The following COL11A1 variants were observed in gnomAD, a reference collection of about 807,000 sequenced individuals.
COL11A1 encodes collagen type XI alpha 1 chain, also known as collagen alpha-1(XI) chain.
In COL11A1, 74 loss-of-function variants were observed where a neutral mutation model predicts 265.2. That is an observed-to-expected ratio of 0.28 (90% CI 0.23 to 0.34). The LOEUF is 0.34. COL11A1 is among the 10% of genes least tolerant of loss of function. The probability of loss-of-function intolerance (pLI) is 1.00; values close to 1 mark genes in which losing one functional copy is unlikely to be tolerated. For missense variants in COL11A1, 2,165 were observed against 2,263.6 expected, an observed-to-expected ratio of 0.96 and a Z score of 0.88; for synonymous variants, 816 against 727.6, an observed-to-expected ratio of 1.12 and a Z score of -1.96.
chr1:102,915,646 C>T lies in COL11A1; in HGVS notation c.3801G>A (p.Gly1267=), dbSNP rs1241148948. 1 of 1,613,182 alleles carries T rather than the reference C, an allele frequency of 6.2e-7. No homozygotes were observed. The highest frequency in any genetic ancestry group is 8.5e-7 in the Non-Finnish European group (1 of 1,179,322). Residue 1267 remains glycine (G), a synonymous_variant, in exon 50 of 67, where the codon GGG becomes GGA. Transcript: ENST00000370096. The part of the protein sequence containing the change: ...PGEAGNPGPP[G]EAGVGGPKGE... ...CAGTACTTACGCCTACACCTGCTTC[C>T]CCAGGAGGCCCTGGGTTCCCTGCTT... is the stretch of plus-strand genomic sequence containing the variant.
intron 55 of COL11A1, 76 bp from the exon 56 acceptor site, chr1:102,898,849 A>T: frequency 1.4e-6 from 2 of 1,415,038 alleles, no homozygotes; most frequent in South Asian, 2.4e-5. Flanking sequence ...GCACTGAAAA[A>T]AGTAGATCAG....
chr1:102,951,117 C>T (rs999066134), intron 41 of COL11A1, among the ~76,000 whole-genome samples: 1 of 152,148 alleles, frequency 6.6e-6, no homozygotes, highest in East Asian at 1.9e-4. Flanking sequence ...TATAGCAGCA[C>T]GAAAATGGAC....
At chr1:102,990,062 G>C (rs575132687) in intron 28 of COL11A1, among the ~76,000 whole-genome samples, 5 of 152,050 alleles carry the variant, frequency 3.3e-5, no homozygotes, top group African/African-American at 1.2e-4. Flanking sequence ...GTGCATGACT[G>C]TAATCTCAGC....
chr1:102,962,133 C>G, intron 40 of COL11A1, 43 bp downstream of exon 40: 1 of 1,484,040 alleles, frequency 6.7e-7, no homozygotes, highest in Non-Finnish European at 9.4e-7. Flanking sequence ...TTCTAATAAA[C>G]AATTGGAATC....
intron 4 of COL11A1, among the ~76,000 whole-genome samples, chr1:103,057,988 C>A (rs188686980): frequency 1.1e-4 from 17 of 152,230 alleles, no homozygotes; most frequent in Non-Finnish European, 1.8e-4. Flanking sequence ...AGCTTTAAAG[C>A]CAGGCATTGA....
At chr1:102,892,913 C>T (rs932525211) in intron 57 of COL11A1, among the ~76,000 whole-genome samples, 3 of 152,016 alleles carry the variant, frequency 2.0e-5, no homozygotes, top group African/African-American at 7.2e-5. Flanking sequence ...ATTACTAATC[C>T]TCAGAGTCAA....
rs527396002 is a variant in COL11A1 at position 103,004,544 on chromosome 1, A to G, written c.1900-56T>C. ...AACATTTGGACAATGTATCATTTCA[A>G]CATGATTTTGTTTTATTATGTTTTA... On this transcript the variant is annotated intron_variant, in intron 19 of 66. Coordinates refer to ENST00000370096, the MANE Select transcript of COL11A1 (RefSeq NM_001854.4). 2.8e-5 allele frequency: 44 copies of G among 1,591,004 alleles called. No individual in the cohort carries two copies. In the East Asian group the frequency reaches 9.6e-4, roughly 35 times the overall value.
At chr1:103,026,708 G>A (rs1428785855) in intron 5 of COL11A1, among the ~76,000 whole-genome samples, 2 of 151,932 alleles carry the variant, frequency 1.3e-5, no homozygotes, top group Non-Finnish European at 2.9e-5. Context: ...TTCTCTATAA[G>A]AGCGCTACAG....
intron 6 of COL11A1, 38 bp downstream of exon 6, chr1:103,026,178 G>T (rs1196349205): frequency 2.1e-6 from 3 of 1,422,054 alleles, no homozygotes; most frequent in South Asian, 2.3e-5. Flanking sequence ...ATGACGAACA[G>T]CAGGACACCA....
At chr1:102,977,049 A>G (rs1662561892) in intron 35 of COL11A1, among the ~76,000 whole-genome samples, 1 of 152,194 alleles carries the variant, frequency 6.6e-6, no homozygotes, top group Admixed American at 6.5e-5. Context: ...AAATATAATG[A>G]TCATGAGAGA....
rs2783571 is a variant in COL11A1 at position 102,893,386 on chromosome 1, T to G, written c.4303-2882A>C. On this transcript the variant is annotated intron_variant, in intron 57 of 66. Transcript: ENST00000370096. The stretch of plus-strand genomic sequence containing the variant: ...TATAAACTACATCTAAAGATGAGTT[T>G]GCCAAACAAAATCAGTTTTTATTTT... 4.2e-3 allele frequency among the ~76,000 whole-genome samples: 632 copies of G among 152,254 alleles called. 5 individuals are homozygous for G. The highest frequency in any genetic ancestry group is 0.015 in the African/African-American group (607 of 41,574).
At chr1:103,046,096 T>C (rs1313179698) in intron 4 of COL11A1, among the ~76,000 whole-genome samples, 3 of 151,660 alleles carry the variant, frequency 2.0e-5, no homozygotes, top group African/African-American at 7.3e-5. Flanking sequence ...CATGTGTCTT[T>C]ATAGCAGCAT....
At chr1:102,973,832 T>C (rs1044845009) in intron 36 of COL11A1, among the ~76,000 whole-genome samples, 2 of 152,178 alleles carry the variant, frequency 1.3e-5, no homozygotes, top group African/African-American at 4.8e-5. Context: ...GTCTAAAAAT[T>C]ATTGTAAAAA....
rs1470129804 is a variant in COL11A1 at position 103,082,948 on chromosome 1, G to C, written c.131C>G (p.Ala44Gly). 1 of 1,613,086 alleles carries C rather than the reference G, an allele frequency of 6.2e-7. No homozygotes were observed. The highest frequency in any genetic ancestry group is 8.5e-7 in the Non-Finnish European group (1 of 1,179,530). ...RGAAPVDVLK[A>G]LDFHNSPEGI... ...CTCTGGAGAATTGTGAAAATCTAGT[G>C]CTTTTAGTACATCAACTGGAGCAGC... Residue 44 changes from alanine to glycine, a missense_variant, in exon 2 of 67, where the codon GCA becomes GGA. Transcript: ENST00000370096.
intron 4 of COL11A1, among the ~76,000 whole-genome samples, chr1:103,063,314 CTT>C (rs1262608314): frequency 1.3e-5 from 2 of 151,906 alleles, no homozygotes; most frequent in Non-Finnish European, 2.9e-5. Context: ...GACTTTAAGA[CTT>C]AATATAATAT....
chr1:103,104,128 T>A (rs1674507665), intron 1 of COL11A1, among the ~76,000 whole-genome samples: 2 of 152,072 alleles, frequency 1.3e-5, no homozygotes, highest in Non-Finnish European at 2.9e-5. Flanking sequence ...TTAAAAATCT[T>A]ATATAAACAC....
chr1:103,026,129 T>A, intron 6 of COL11A1, 87 bp downstream of exon 6: 1 of 1,207,868 alleles, frequency 8.3e-7, no homozygotes, highest in Non-Finnish European at 1.2e-6. Context: ...GAAAGGTTTA[T>A]GGTAAGTTTG....
chr1:102,889,494 G>C lies in COL11A1; in HGVS notation c.4425C>G (p.Leu1475=), dbSNP rs376841140. The change falls in exon 59 of 67, where the codon CTC becomes CTG. Residue 1475 remains leucine (L), a synonymous_variant. Transcript: ENST00000370096. Reference sequence around the variant, plus strand: ...CTCCTGGAGATCCTTGAGTTCCAGGGAGCCCTCGGTCACCTTTTTCCCCTT... The same window carrying C: ...CTCCTGGAGATCCTTGAGTTCCAGGCAGCCCTCGGTCACCTTTTTCCCCTT... ...GEQGEKGDRG[L]PGTQGSPGAK... 11 of 1,613,322 alleles carry C rather than the reference G, an allele frequency of 6.8e-6. No individual in the cohort carries two copies. The East Asian group carries it at 2.5e-4, about 36-fold the overall frequency.
intron 46 of COL11A1, among the ~76,000 whole-genome samples, chr1:102,930,011 TA>T (rs1657192062): frequency 6.6e-6 from 1 of 152,200 alleles, no homozygotes; most frequent in Non-Finnish European, 1.5e-5. Flanking sequence ...TGGGGTTTTC[TA>T]GATATACAAT....
Sources: gnomAD v4.1 joint callset for allele counts (sites outside exome capture counted in the v4.1 genomes callset) on GRCh38, gnomAD v4.1.1 for gene constraint, MANE v1.5 for transcripts, NCBI Gene and HGNC (gene_info 2026-07-23, HGNC 2026-07-21) for gene names.